The following ARPC5 variants were observed in gnomAD, a reference collection of about 807,000 sequenced individuals.
The protein encoded by ARPC5 is actin-related protein 2/3 complex subunit 5.
ARPC5 carries 5 observed loss-of-function variants against 15.4 expected under a neutral mutation model. The observed-to-expected ratio is 0.32, with a 90% CI of 0.17 to 0.68. The LOEUF (loss-of-function observed/expected upper bound fraction) is 0.68, where lower values mean the gene tolerates loss of function less well. Among genes scored for constraint, ARPC5 ranks in the 30% least tolerant of loss-of-function variants. The probability of loss-of-function intolerance (pLI) is 0.71; values close to 1 mark genes in which losing one functional copy is unlikely to be tolerated. For synonymous variants in ARPC5, 85 were observed against 72.2 expected, an observed-to-expected ratio of 1.18 and a Z score of -0.90; for missense variants, 138 against 192.8, an observed-to-expected ratio of 0.72 and a Z score of 1.68.
In ARPC5 at chr1:183,622,112, G is replaced by A. The variant is rs1648956119; in HGVS notation, c.*5420C>T. On this transcript the variant is annotated 3_prime_UTR_variant, in exon 4 of 4. Transcript: ENST00000359856. ...ACAGAACACTATATATAGTATGTTAGTATTTATGTACACAAAGGGGTAAAA... is the reference window on the plus strand; with the variant it reads ...ACAGAACACTATATATAGTATGTTAATATTTATGTACACAAAGGGGTAAAA... The A allele has an allele frequency of 6.6e-6, 1 of 152,214 alleles. No individual in the cohort carries two copies. The highest frequency in any genetic ancestry group is 6.5e-5 in the Admixed American group (1 of 15,280). 9.4% of individuals were successfully genotyped at this position (152,214 alleles called of 1,614,324 possible). A position where few individuals can be genotyped will look rare whatever the true frequency, so the allele number is the denominator to read the frequency against.
intron 1 of ARPC5, 26 bp from the exon 2 acceptor site, chr1:183,633,180 CA>C: frequency 6.5e-7 from 1 of 1,545,172 alleles, no homozygotes; most frequent in African/African-American, 1.4e-5. Context: ...GGTGTAACAG[CA>C]AAGGATGGCC....
chr1:183,629,995 T>TTGTGTTTGGCTCATTTCACTTGG (rs1389981152), intron 3 of ARPC5, among the ~76,000 whole-genome samples: 11 of 152,236 alleles, frequency 7.2e-5, no homozygotes, highest in African/African-American at 2.7e-4. Flanking sequence ...ATTAGTTCTT[T>TTGTGTTTGGCTCATTTCACTTGG]TGTGTTTGGC....
Position 183,625,218 on chromosome 1 carries a change from G to A in ARPC5, c.*2314C>T, listed in dbSNP as rs964712182. The stretch of plus-strand genomic sequence containing the variant: ...ATCCTATTCCCAACTCTTCACCAAG[G>A]ATAGTACTGTGTCATGGTTACTATA... On this transcript the variant is annotated 3_prime_UTR_variant, in exon 4 of 4. Transcript: ENST00000359856. 6.6e-6 allele frequency: 1 copy of A among 152,140 alleles called. No individual in the cohort carries two copies. Among genetic ancestry groups the A allele is most frequent in the Non-Finnish European group, 1.5e-5 (1 of 68,046 alleles). 9.4% of individuals were successfully genotyped at this position (152,140 alleles called of 1,614,324 possible).
At chr1:183,627,978 C>T (rs1649155578) in intron 3 of ARPC5, among the ~76,000 whole-genome samples, 1 of 151,920 alleles carries the variant, frequency 6.6e-6, no homozygotes, top group Non-Finnish European at 1.5e-5. Context: ...TCAAGACCAT[C>T]CTGGCTAACA....
chr1:183,623,288 C>G lies in ARPC5; in HGVS notation c.*4244G>C. On this transcript the variant is annotated 3_prime_UTR_variant, in exon 4 of 4. Coordinates refer to ENST00000359856, the MANE Select transcript of ARPC5 (RefSeq NM_005717.4). ...ACATAGATTATTTATGTTGATTACT[C>G]TTACACACTCAAGTAACAGAAATGA... 1.2e-6 allele frequency: 1 copy of G among 808,782 alleles called. No individual in the cohort carries two copies. The highest frequency in any genetic ancestry group is 2.3e-4 in the Middle Eastern group (1 of 4,398). 50.1% of individuals were successfully genotyped at this position (808,782 alleles called of 1,614,324 possible). A position where few individuals can be genotyped will look rare whatever the true frequency, so the allele number is the denominator to read the frequency against.
In ARPC5 at chr1:183,624,183, T is replaced by A. The variant is rs1410662821; in HGVS notation, c.*3349A>T. ...AGATAGTTTCTGATCCTGTTAATAA[T>A]TTGCACCATCTAGAATTCTTATGTT... On this transcript the variant is annotated 3_prime_UTR_variant, in exon 4 of 4. Coordinates refer to ENST00000359856, the MANE Select transcript of ARPC5 (RefSeq NM_005717.4). The A allele has an allele frequency of 6.6e-6, 1 of 152,090 alleles. No individual in the cohort carries two copies. Among genetic ancestry groups the A allele is most frequent in the Non-Finnish European group, 1.5e-5 (1 of 68,042 alleles). 9.4% of individuals were successfully genotyped at this position (152,090 alleles called of 1,614,324 possible).
In ARPC5 at chr1:183,633,131, T is replaced by A; in HGVS notation, c.167A>T (p.Gln56Leu). The A allele has an allele frequency of 6.2e-7, 1 of 1,603,340 alleles. No homozygotes were observed. Among genetic ancestry groups the A allele is most frequent in the Non-Finnish European group, 8.5e-7 (1 of 1,176,024 alleles). Residue 56 changes from glutamine (Q) to leucine (L), a missense_variant, in exon 2 of 4, where the codon CAG (glutamine) becomes CTG (leucine). Around this residue, in one of 3 missense-constraint regions of ARPC5, gnomAD observed 121 missense variants for 153.7 expected, o/e 0.79. Coordinates refer to ENST00000359856, the MANE Select transcript of ARPC5 (RefSeq NM_005717.4). The part of the protein sequence containing the change: ...LRQGNMTAAL[Q>L]AALKNPPINT... ...GATAGGGGGGTTCTTCAGAGCTGCCTGTAGGGCAGCTGTCATGTTTCCTGT... is the reference window on the plus strand; with the variant it reads ...GATAGGGGGGTTCTTCAGAGCTGCCAGTAGGGCAGCTGTCATGTTTCCTGT...
chr1:183,622,937 C>G lies in ARPC5; in HGVS notation c.*4595G>C, dbSNP rs1648980416. ...TCTGATGTGTTGCCCTATTCAGGTACCCTAAGAACCTGTGTATAAATTAAG... is the reference window on the plus strand; with the variant it reads ...TCTGATGTGTTGCCCTATTCAGGTAGCCTAAGAACCTGTGTATAAATTAAG... On this transcript the variant is annotated 3_prime_UTR_variant, in exon 4 of 4. Transcript: ENST00000359856. The G allele has an allele frequency of 6.3e-6, 1 of 157,716 alleles. No homozygotes were observed. The highest frequency in any genetic ancestry group is 6.2e-5 in the Admixed American group (1 of 16,240). 9.8% of individuals were successfully genotyped at this position (157,716 alleles called of 1,614,324 possible).
In ARPC5 at chr1:183,625,152, A is replaced by G. The variant is rs966874592; in HGVS notation, c.*2380T>C. 3.3e-5 allele frequency: 5 copies of G among 152,214 alleles called. No homozygotes were observed. The highest frequency in any genetic ancestry group is 1.2e-4 in the African/African-American group (5 of 41,448). 9.4% of individuals were successfully genotyped at this position (152,214 alleles called of 1,614,324 possible). A position where few individuals can be genotyped will look rare whatever the true frequency, so the allele number is the denominator to read the frequency against. On this transcript the variant is annotated 3_prime_UTR_variant, in exon 4 of 4. Coordinates refer to ENST00000359856, the MANE Select transcript of ARPC5 (RefSeq NM_005717.4). ...GAGGTAAACAACTACTTTTGTGCTA[A>G]AAGTGTCCTATGGCATTTATATATA...
intron 1 of ARPC5, 99 bp downstream of exon 1, chr1:183,635,418 T>C (rs1368048999): frequency 3.6e-5 from 50 of 1,387,316 alleles, no homozygotes; most frequent in Non-Finnish European, 4.7e-5. Flanking sequence ...AGAGGGCAGC[T>C]CCGCGCCGGT....
chr1:183,629,035 G>A (rs142373361), intron 3 of ARPC5, among the ~76,000 whole-genome samples: 5 of 152,278 alleles, frequency 3.3e-5, no homozygotes, highest in Non-Finnish European at 5.9e-5. Context: ...CATTAGATAC[G>A]CTTGAACAGA....
At position 183,624,833 on chromosome 1, in the gene ARPC5, G is replaced by A. The variant is rs12029647; in HGVS notation, c.*2699C>T. On this transcript the variant is annotated 3_prime_UTR_variant, in exon 4 of 4. Coordinates refer to ENST00000359856, the MANE Select transcript of ARPC5 (RefSeq NM_005717.4). ...TAACCTTACTTCCCAATTAGGCTGA[G>A]AGCAAACTGGTGAACAAGATTCAGA... 31 of 152,062 alleles carry A rather than the reference G, an allele frequency of 2.0e-4. No homozygotes were observed. Among genetic ancestry groups the A allele is most frequent in the South Asian group, 4.1e-4 (2 of 4,822 alleles). 9.4% of individuals were successfully genotyped at this position (152,062 alleles called of 1,614,324 possible).
intron 3 of ARPC5, among the ~76,000 whole-genome samples, chr1:183,629,361 A>C (rs964380665): frequency 6.6e-6 from 1 of 152,216 alleles, no homozygotes; most frequent in Admixed American, 6.5e-5. Flanking sequence ...GGTTGTTGTA[A>C]AGGTTAAATA....
rs1649121486 is a variant in ARPC5, at chr1:183,626,999, T to C, written c.*533A>G. 6.5e-6 allele frequency: 1 copy of C among 153,814 alleles called. No individual in the cohort carries two copies. The highest frequency in any genetic ancestry group is 1.9e-4 in the East Asian group (1 of 5,222). The allele number at this position is 153,814 out of a possible 1,614,324, so 9.5% of individuals were successfully genotyped here. A position where few individuals can be genotyped will look rare whatever the true frequency, so the allele number is the denominator to read the frequency against. On this transcript the variant is annotated 3_prime_UTR_variant, in exon 4 of 4. Transcript: ENST00000359856. ...AGGCAAGCAAAAACAAAGCTATAACTTAGCAGTGGTATTCACCCACCACTT... is the reference window on the plus strand; with the variant it reads ...AGGCAAGCAAAAACAAAGCTATAACCTAGCAGTGGTATTCACCCACCACTT...
intron 2 of ARPC5, chr1:183,632,857 T>C (rs1349288897): frequency 2.7e-6 from 1 of 370,896 alleles, no homozygotes; most frequent in African/African-American, 2.1e-5. Context: ...ACACAAATGA[T>C]TTCACTATCG....
intron 3 of ARPC5, 28 bp from the exon 4 acceptor site, chr1:183,627,622 GA>G (rs1649144187): frequency 6.3e-7 from 1 of 1,578,908 alleles, no homozygotes; most frequent in Admixed American, 1.7e-5. Flanking sequence ...TGTAAATGTT[GA>G]CAGAATAATA....
chr1:183,630,456 C>T lies in ARPC5; in HGVS notation c.393+5G>A, dbSNP rs1332616622. On this transcript the variant is annotated splice_donor_5th_base_variant and intron_variant, in intron 3 of 3. Coordinates refer to ENST00000359856, the MANE Select transcript of ARPC5 (RefSeq NM_005717.4). Reference sequence around the variant, plus strand: ...AGTCATATAGATTTATAATTCATAACTTACCTTTTCATGCCATTGCAGTAA... The same window carrying T: ...AGTCATATAGATTTATAATTCATAATTTACCTTTTCATGCCATTGCAGTAA... The T allele has an allele frequency of 6.3e-7, 1 of 1,595,588 alleles. No homozygotes were observed. Among genetic ancestry groups the T allele is most frequent in the African/African-American group, 1.3e-5 (1 of 74,282 alleles).
At position 183,623,273 on chromosome 1, in the gene ARPC5, T is replaced by C; in HGVS notation, c.*4259A>G. ...AAATAAGAGATGTAAACATAGATTA[T>C]TTATGTTGATTACTCTTACACACTC... On this transcript the variant is annotated 3_prime_UTR_variant, in exon 4 of 4. Coordinates refer to ENST00000359856, the MANE Select transcript of ARPC5 (RefSeq NM_005717.4). The C allele has an allele frequency of 5.6e-6, 4 of 713,402 alleles. No individual in the cohort carries two copies. The highest frequency in any genetic ancestry group is 5.5e-5 in the South Asian group (3 of 54,562). The allele number at this position is 713,402 out of a possible 1,614,324, so 44.2% of individuals were successfully genotyped here.
chr1:183,635,718 C>G lies in ARPC5; in HGVS notation c.-59G>C. 3.8e-6 allele frequency: 6 copies of G among 1,574,442 alleles called. No individual in the cohort carries two copies. The highest frequency in any genetic ancestry group is 5.2e-6 in the Non-Finnish European group (6 of 1,158,840). On this transcript the variant is annotated 5_prime_UTR_variant, in exon 1 of 4. Transcript: ENST00000359856. ...GGCGCTGCCTCTACCTCAGCAAGCCCAGCCCAGCAACCCACTACCCGGCGC... is the reference window on the plus strand; with the variant it reads ...GGCGCTGCCTCTACCTCAGCAAGCCGAGCCCAGCAACCCACTACCCGGCGC...
Sources: allele counts gnomAD v4.1 joint callset (sites outside exome capture counted in the v4.1 genomes callset), GRCh38; gene constraint gnomAD v4.1.1; regional missense constraint gnomAD v4.1.1; transcripts MANE v1.5; gene names NCBI Gene and HGNC (gene_info 2026-07-23, HGNC 2026-07-21).